The following OVCH1 variants were observed in gnomAD, a reference collection of about 807,000 sequenced individuals.
The protein encoded by OVCH1 is ovochymase-1.
OVCH1 carries 139 observed loss-of-function variants against 138.4 expected under a neutral mutation model. The ratio of observed to expected loss-of-function variants is 1.00; its 90% CI spans 0.87 to 1.16. OVCH1 has a LOEUF of 1.16. Among genes scored for constraint, OVCH1 ranks in the 50% most tolerant of loss-of-function variants. The pLI, the probability that OVCH1 is intolerant of heterozygous loss-of-function variation, is 0.00. For synonymous variants in OVCH1, 453 were observed against 467.8 expected (o/e 0.97, Z 0.41); for missense variants, 1,367 against 1,357.9 (o/e 1.01, Z -0.11).
chr12:29,451,593 C>A (rs749329393), intron 21 of OVCH1, 24 bp from the exon 22 acceptor site: 4 of 1,563,696 alleles, frequency 2.6e-6, no homozygotes, highest in Admixed American at 1.8e-5. Context: ...CACACAGACA[C>A]CAGGGACCAA....
At chr12:29,424,061 CA>C (rs1400199783), downstream of OVCH1, among the ~76,000 whole-genome samples, 1 of 152,188 alleles carries the variant, frequency 6.6e-6, no homozygotes, top group Non-Finnish European at 1.5e-5. Flanking sequence ...CGTGGGAAAT[CA>C]GGGGTCTCAC....
In OVCH1 at chr12:29,443,248, TAAG is replaced by T. The variant is rs560203957; in HGVS notation, c.3157+110_3157+112del. The T allele has an allele frequency of 1.4e-4, 149 of 1,031,530 alleles. No individual in the cohort carries two copies. The East Asian group carries it at 2.9e-3, about 20-fold the overall frequency. The allele number at this position is 1,031,530 out of a possible 1,614,324, so 63.9% of individuals were successfully genotyped here. On this transcript the variant is annotated intron_variant, in intron 25 of 27. Coordinates refer to ENST00000318184, the Ensembl canonical transcript of OVCH1. The stretch of plus-strand genomic sequence containing the variant: ...ACAGTAAGTCTATTTCAACATCCTA[TAAG>T]AAGAGACTAGTGTATGTCACATGTA...
intron 26 of OVCH1, among the ~76,000 whole-genome samples, chr12:29,438,203 G>C (rs1021216347): frequency 6.6e-6 from 1 of 152,074 alleles, no homozygotes; most frequent in East Asian, 1.9e-4. Context: ...ATGATGTGAA[G>C]AATAATTTTA....
intron 19 of OVCH1, 102 bp downstream of exon 19, chr12:29,461,752 C>G (rs556187488): frequency 1.4e-6 from 2 of 1,395,662 alleles, no homozygotes; most frequent in African/African-American, 1.4e-5. Flanking sequence ...TATTGAAGCA[C>G]GTGACAAGTT....
intron 22 of OVCH1, among the ~76,000 whole-genome samples, chr12:29,449,493 A>G (rs1403266786): frequency 6.6e-6 from 1 of 152,096 alleles, no homozygotes; most frequent in African/African-American, 2.4e-5. Context: ...TCTATCCATG[A>G]CCATGGAATG....
At chr12:29,470,556 T>C (rs1478710375) in intron 16 of OVCH1, among the ~76,000 whole-genome samples, 1 of 152,206 alleles carries the variant, frequency 6.6e-6, no homozygotes, top group Non-Finnish European at 1.5e-5. Flanking sequence ...TCTCATTCTT[T>C]TTTATGATTG....
downstream of OVCH1, among the ~76,000 whole-genome samples, chr12:29,424,265 C>G (rs1002496652): frequency 1.3e-5 from 2 of 152,192 alleles, no homozygotes; most frequent in African/African-American, 4.8e-5. Flanking sequence ...AGGCACAGAT[C>G]GCTTATGCTA....
At chr12:29,469,354 G>A (rs1050516884) in intron 16 of OVCH1, among the ~76,000 whole-genome samples, 2 of 152,034 alleles carry the variant, frequency 1.3e-5, no homozygotes, top group Non-Finnish European at 1.5e-5. Context: ...TAAACTGAGG[G>A]ACATAGGGAT....
intron 26 of OVCH1, among the ~76,000 whole-genome samples, chr12:29,439,152 C>T (rs1375456217): frequency 6.6e-6 from 1 of 150,834 alleles, no homozygotes; most frequent in Non-Finnish European, 1.5e-5. Context: ...TTATTTTCTA[C>T]AACTGTCCCC....
At chr12:29,414,655 T>C (rs1941008425) in intron 3 of OVCH1, among the ~76,000 whole-genome samples, 1 of 152,204 alleles carries the variant, frequency 6.6e-6, no homozygotes, top group South Asian at 2.1e-4. Context: ...TAGAACTATG[T>C]CAAGAATCTT....
At chr12:29,423,156 CTCT>C (rs1431545065), downstream of OVCH1, 1 of 446,024 alleles carries the variant, frequency 2.2e-6, no homozygotes, top group East Asian at 7.0e-5. Context: ...CTCAATATTG[CTCT>C]TCTGTGATTG....
intron 3 of OVCH1, among the ~76,000 whole-genome samples, chr12:29,416,207 G>T (rs908205029): frequency 6.6e-6 from 1 of 152,050 alleles, no homozygotes; most frequent in Non-Finnish European, 1.5e-5. Flanking sequence ...TAAGGCTAAG[G>T]CTATAGAACT....
At chr12:29,442,177 G>A (rs1274204286) in intron 25 of OVCH1, among the ~76,000 whole-genome samples, 1 of 152,022 alleles carries the variant, frequency 6.6e-6, no homozygotes, top group Non-Finnish European at 1.5e-5. Flanking sequence ...GCACACGTAT[G>A]TTTATTGCGG....
At chr12:29,464,416 G>T in intron 18 of OVCH1, 91 bp downstream of exon 18, 1 of 1,319,532 alleles carries the variant, frequency 7.6e-7, no homozygotes, top group Non-Finnish European at 1.1e-6. Flanking sequence ...AAGAAGAGGG[G>T]CTGAAGCGGA....
chr12:29,437,506 CTAAGTT>C (rs1262288944), intron 26 of OVCH1, among the ~76,000 whole-genome samples: 1 of 152,168 alleles, frequency 6.6e-6, no homozygotes, highest in Non-Finnish European at 1.5e-5. Flanking sequence ...AAAACTATCT[CTAAGTT>C]TAACTGATCA....
At chr12:29,439,485 C>CA in intron 25 of OVCH1, 7 of 1,143,312 alleles carry the variant, frequency 6.1e-6, no homozygotes, top group Admixed American at 3.6e-5. Context: ...AAACAAAAAG[C>CA]AAAAAACAAA....
At chr12:29,449,264 T>C (rs1004479461) in intron 22 of OVCH1, among the ~76,000 whole-genome samples, 1 of 139,864 alleles carries the variant, frequency 7.1e-6, no homozygotes, top group Admixed American at 7.7e-5. Flanking sequence ...TCTTGCCTTT[T>C]TCCCCCCTCC....
chr12:29,458,887 G>A (rs559143198), intron 19 of OVCH1, among the ~76,000 whole-genome samples: 43 of 152,012 alleles, frequency 2.8e-4, no homozygotes, highest in Non-Finnish European at 4.9e-4. Context: ...ATATGAAAAG[G>A]TGCTCAACAT....
At chr12:29,480,058 A>G (rs774239696) in intron 8 of OVCH1, among the ~76,000 whole-genome samples, 3 of 152,038 alleles carry the variant, frequency 2.0e-5, no homozygotes, top group Non-Finnish European at 2.9e-5. Context: ...TCCTGACCTC[A>G]TGACCTGCCC....
Sources: gnomAD v4.1 joint callset for allele counts (sites outside exome capture counted in the v4.1 genomes callset) on GRCh38, gnomAD v4.1.1 for gene constraint, MANE v1.5 for transcripts, NCBI Gene and HGNC (gene_info 2026-07-23, HGNC 2026-07-21) for gene names.